The following OSBPL3 variants were observed in gnomAD, a reference collection of about 807,000 sequenced individuals.
OSBPL3 encodes the protein oxysterol-binding protein-related protein 3.
OSBPL3 carries 65 observed loss-of-function variants against 120.1 expected under a neutral mutation model. The observed-to-expected ratio is 0.54, with a 90% CI of 0.44 to 0.67. The LOEUF is 0.67. Among genes scored for constraint, OSBPL3 ranks in the 30% least tolerant of loss-of-function variants. OSBPL3 has a pLI of 0.00. For missense variants in OSBPL3, 1,004 were observed against 1,082.1 expected, an observed-to-expected ratio of 0.93 and a Z score of 1.01; for synonymous variants, 416 against 402.6, an observed-to-expected ratio of 1.03 and a Z score of -0.40.
chr7:24,852,023 T>C lies in OSBPL3; in HGVS notation c.1158+481A>G, dbSNP rs1004874682. On this transcript the variant is annotated intron_variant, in intron 11 of 22. Transcript: ENST00000313367. This position sits in a 1 kb window ranked among gnomAD's most constrained non-coding sequence, Gnocchi z 4.1. ...ATCCCATCAAACAAAATAGCTCTCA[T>C]GTCTTTGAAAGAGTGGTAAACAGGA... Among the ~76,000 whole-genome samples the C allele has an allele frequency of 3.3e-5, 5 of 152,212 alleles. No individual in the cohort carries two copies. Among genetic ancestry groups the C allele is most frequent in the East Asian group, 1.9e-4 (1 of 5,206 alleles).
rs575713129 is a variant in OSBPL3 at position 24,946,772 on chromosome 7, T to C, written c.-150+33114A>G. ...TCTGCTCACATCATTTTTTATCATATGCTTTGGATTCATGAGCTGAAGTAG... is the reference window on the plus strand; with the variant it reads ...TCTGCTCACATCATTTTTTATCATACGCTTTGGATTCATGAGCTGAAGTAG... On this transcript the variant is annotated intron_variant, in intron 1 of 22. Coordinates refer to ENST00000313367, the MANE Select transcript of OSBPL3 (RefSeq NM_015550.4). This position sits in a 1 kb window ranked among gnomAD's most constrained non-coding sequence, Gnocchi z 4.3. 6.9e-4 allele frequency among the ~76,000 whole-genome samples: 105 copies of C among 152,268 alleles called. No homozygotes were observed. The highest frequency in any genetic ancestry group is 2.4e-3 in the African/African-American group (100 of 41,536).
rs751295886 is a variant in OSBPL3, at chr7:24,800,285, AAAG to A, written c.2568-9_2568-7del. 1 of 1,574,132 alleles carries A rather than the reference AAAG, an allele frequency of 6.4e-7. No individual in the cohort carries two copies. The highest frequency in any genetic ancestry group is 1.1e-5 in the South Asian group (1 of 90,192). On this transcript the variant is annotated splice_polypyrimidine_tract_variant and splice_region_variant and intron_variant, in intron 22 of 22. Transcript: ENST00000313367. ...AAGAGTCATCGTCGGATTTCCTGTG[AAAG>A]AAGAAACAATTTCTTGCAGACTCTT... is the stretch of plus-strand genomic sequence containing the variant.
chr7:24,885,215 C>G (rs1804319646), intron 2 of OSBPL3, among the ~76,000 whole-genome samples: 1 of 139,752 alleles, frequency 7.2e-6, no homozygotes, highest in African/African-American at 2.8e-5. Flanking sequence ...GAGTGAGACT[C>G]TGTCTCAAAA....
chr7:24,809,810 C>T lies in OSBPL3; in HGVS notation c.2314G>A (p.Ala772Thr). ...GTCCACAAACCCAGACACTCACTTG[C>T]TCTCCATACACAGGCAGAAGAGGAG... ...GGSSSACVWRANPMPKGYEQY... is the reference protein window; with the variant it reads ...GGSSSACVWRTNPMPKGYEQY... The change falls in exon 20 of 23, where the codon GCA becomes ACA. Residue 772 changes from alanine to threonine, a missense_variant. By Grantham distance (58) the Ala-to-Thr change is moderately conservative. This residue lies in a region of OSBPL3 where 473 missense variants were observed against 568.0 expected (regional missense o/e 0.83). Transcript: ENST00000313367. 1 of 1,614,126 alleles carries T rather than the reference C, an allele frequency of 6.2e-7. No homozygotes were observed. The highest frequency in any genetic ancestry group is 8.5e-7 in the Non-Finnish European group (1 of 1,180,000).
rs1301865255 is a variant in OSBPL3, at chr7:24,831,415, T to C, written c.1747-510A>G. On this transcript the variant is annotated intron_variant, in intron 15 of 22. Transcript: ENST00000313367. The surrounding 1 kb of genome is among the most constrained non-coding windows in gnomAD (Gnocchi z 4.0). ...TTGACCAAAGAAAATCTGTGAGTCA[T>C]TTCCTAAGCCTGGGAAACAAGCCAC... Among the ~76,000 whole-genome samples, 6 of 152,184 alleles carry C rather than the reference T, an allele frequency of 3.9e-5. No individual in the cohort carries two copies. The highest frequency in any genetic ancestry group is 8.8e-5 in the Non-Finnish European group (6 of 68,048).
In OSBPL3 at chr7:24,808,900, T is replaced by G. The variant is rs571652741; in HGVS notation, c.2317+907A>C. ...ACGAGAGAGGAAAGCTCTTTTGTCCTCTCATTACATGCTTGGTATGCTGTC... is the reference window on the plus strand; with the variant it reads ...ACGAGAGAGGAAAGCTCTTTTGTCCGCTCATTACATGCTTGGTATGCTGTC... On this transcript the variant is annotated intron_variant, in intron 20 of 22. Coordinates refer to ENST00000313367, the MANE Select transcript of OSBPL3 (RefSeq NM_015550.4). This position sits in a 1 kb window ranked among gnomAD's most constrained non-coding sequence, Gnocchi z 4.6. Among the ~76,000 whole-genome samples the G allele has an allele frequency of 4.1e-4, 62 of 152,316 alleles. No homozygotes were observed. The highest frequency in any genetic ancestry group is 1.5e-3 in the African/African-American group (61 of 41,570).
In OSBPL3 at chr7:24,840,751, T is replaced by G. The variant is rs546723851; in HGVS notation, c.1434A>C (p.Ile478=). The G allele has an allele frequency of 6.8e-7, 1 of 1,469,166 alleles. No individual in the cohort carries two copies. Among genetic ancestry groups the G allele is most frequent in the South Asian group, 1.2e-5 (1 of 82,002 alleles). 91.0% of individuals were successfully genotyped at this position (1,469,166 alleles called of 1,614,324 possible). A position where few individuals can be genotyped will look rare whatever the true frequency, so the allele number is the denominator to read the frequency against. ...ISDDDSYVSD[I]SDNLSLDNLS... ...GATTATCTAAGGAAAGATTATCACT[T>G]ATGTCACTGACATATGAGTCATCAT... Residue 478 remains isoleucine, a synonymous_variant, in exon 14 of 23, where the codon ATA becomes ATC. Transcript: ENST00000313367.
At chr7:24,962,927 G>A (rs1815953415) in intron 1 of OSBPL3, among the ~76,000 whole-genome samples, 1 of 152,110 alleles carries the variant, frequency 6.6e-6, no homozygotes, top group Admixed American at 6.5e-5. Context: ...TTCAGCCAGA[G>A]TGCCCACCCT....
intron 1 of OSBPL3, among the ~76,000 whole-genome samples, chr7:24,892,983 A>T (rs1182756809): frequency 6.6e-6 from 1 of 152,256 alleles, no homozygotes; most frequent in Non-Finnish European, 1.5e-5. Flanking sequence ...TGGAAAGAGT[A>T]TGGAGAAATT....
rs1310560043 is a variant in OSBPL3 at position 24,821,649 on chromosome 7, G to T, written c.1885-1411C>A. Among the ~76,000 whole-genome samples the T allele has an allele frequency of 6.6e-6, 1 of 152,186 alleles. No homozygotes were observed. The highest frequency in any genetic ancestry group is 1.5e-5 in the Non-Finnish European group (1 of 68,038). ...GCCAAAGAAAGGTAGAGACAAAGAC[G>T]TAAATCATGTAGGCATCTTTCAGAT... On this transcript the variant is annotated intron_variant, in intron 16 of 22. Coordinates refer to ENST00000313367, the MANE Select transcript of OSBPL3 (RefSeq NM_015550.4). The surrounding 1 kb of genome is among the most constrained non-coding windows in gnomAD (Gnocchi z 5.5).
rs1330751047 is a variant in OSBPL3 at position 24,918,681 on chromosome 7, T to C, written c.-149-26060A>G. On this transcript the variant is annotated intron_variant, in intron 1 of 22. Transcript: ENST00000313367. This position sits in a 1 kb window ranked among gnomAD's most constrained non-coding sequence, Gnocchi z 4.3. Reference sequence around the variant, plus strand: ...ACTTACCATTGGTCAGGCACAGTTTTAGACACTGGAGATAAGGCAGTGAAC... The same window carrying C: ...ACTTACCATTGGTCAGGCACAGTTTCAGACACTGGAGATAAGGCAGTGAAC... 6.6e-6 allele frequency among the ~76,000 whole-genome samples: 1 copy of C among 152,224 alleles called. No individual in the cohort carries two copies. The highest frequency in any genetic ancestry group is 1.5e-5 in the Non-Finnish European group (1 of 68,042).
At chr7:24,935,170 T>C (rs1812258046) in intron 1 of OSBPL3, among the ~76,000 whole-genome samples, 2 of 152,154 alleles carry the variant, frequency 1.3e-5, no homozygotes, top group African/African-American at 4.8e-5. Context: ...GGAGGCTTTT[T>C]AATTGAAGAA....
chr7:24,878,276 CTT>C (rs1363567921), intron 2 of OSBPL3, among the ~76,000 whole-genome samples: 1 of 152,164 alleles, frequency 6.6e-6, no homozygotes, highest in Non-Finnish European at 1.5e-5. Flanking sequence ...ACGATTAAAA[CTT>C]TTATTCTTCT....
At position 24,827,281 on chromosome 7, in the gene OSBPL3, GA is replaced by G. The variant is rs1270435855; in HGVS notation, c.1884+3486del. Among the ~76,000 whole-genome samples the G allele has an allele frequency of 1.3e-5, 2 of 152,252 alleles. No homozygotes were observed. The highest frequency in any genetic ancestry group is 2.9e-5 in the Non-Finnish European group (2 of 68,042). On this transcript the variant is annotated intron_variant, in intron 16 of 22. Transcript: ENST00000313367. The surrounding 1 kb of genome is among the most constrained non-coding windows in gnomAD (Gnocchi z 5.1). ...TAGACTGTCTCCTGGGCTGGAGGCA[GA>G]AAGAGCCATACCAGGTACCAGCAGG... is the stretch of plus-strand genomic sequence containing the variant.
chr7:24,800,212 A>T lies in OSBPL3; in HGVS notation c.2635T>A (p.Ser879Thr). Residue 879 changes from serine (S) to threonine (T), a missense_variant, in exon 23 of 23, where the codon TCC becomes ACC. By Grantham distance (58) the Ser-to-Thr change is moderately conservative. Transcript: ENST00000313367. ...CATAAGACAGGATGGTCCAGTTTGG[A>T]AAAACCAAGATCTTTTCTAAGTTCC... is the stretch of plus-strand genomic sequence containing the variant. ...YLELRKDLGF[S>T]KLDHPVLW 1.2e-6 allele frequency: 2 copies of T among 1,609,824 alleles called. No homozygotes were observed. Among genetic ancestry groups the T allele is most frequent in the Non-Finnish European group, 1.7e-6 (2 of 1,176,162 alleles).
intron 1 of OSBPL3, among the ~76,000 whole-genome samples, chr7:24,950,310 T>C (rs1429038863): frequency 6.6e-6 from 1 of 152,194 alleles, no homozygotes; most frequent in Non-Finnish European, 1.5e-5. Context: ...AATGCCTGTA[T>C]CAATATTCAT....
intron 12 of OSBPL3, among the ~76,000 whole-genome samples, chr7:24,845,228 A>G (rs147567237): frequency 0.013 from 1,921 of 151,978 alleles, 40 homozygotes; most frequent in Admixed American, 0.044. Flanking sequence ...AGCTAATCTA[A>G]TTGTTTTAAT....
rs758090215 is a variant in OSBPL3, at chr7:24,834,567, C to T, written c.1665G>A (p.Thr555=). Reference sequence around the variant, plus strand: ...CCAGCTCCTCGCAGAGCCTCTGCAGCGTGTTCAGGGGCTCGTTCAGCTCCA... The same window carrying T: ...CCAGCTCCTCGCAGAGCCTCTGCAGTGTGTTCAGGGGCTCGTTCAGCTCCA... ...MPVELNEPLN[T]LQRLCEELEY... The change falls in exon 15 of 23, where the codon ACG becomes ACA. Residue 555 remains threonine, a synonymous_variant. Coordinates refer to ENST00000313367, the MANE Select transcript of OSBPL3 (RefSeq NM_015550.4). This position sits in a 1 kb window ranked among gnomAD's most constrained non-coding sequence, Gnocchi z 5.2. 13 of 1,613,998 alleles carry T rather than the reference C, an allele frequency of 8.1e-6. No individual in the cohort carries two copies. The highest frequency in any genetic ancestry group is 3.3e-5 in the South Asian group (3 of 91,086).
At chr7:24,924,199 G>C (rs73276208) in intron 1 of OSBPL3, among the ~76,000 whole-genome samples, 14 of 152,096 alleles carry the variant, frequency 9.2e-5, no homozygotes, top group Non-Finnish European at 1.0e-4. Flanking sequence ...TTATGGTTAA[G>C]AGAAAAATGC....
Sources: gnomAD v4.1 joint callset for allele counts (sites outside exome capture counted in the v4.1 genomes callset) on GRCh38, gnomAD v4.1.1 for gene constraint, gnomAD v4.1.1 regional missense constraint, Gnocchi (gnomAD v3.1) non-coding constraint, MANE v1.5 for transcripts, NCBI Gene and HGNC (gene_info 2026-07-23, HGNC 2026-07-21) for gene names.